Variants in CLIP4 observed in about 807,000 individuals in gnomAD.
CLIP4 encodes the protein CAP-Gly domain-containing linker protein 4.
Under a neutral mutation model 73.1 loss-of-function variants are expected in CLIP4, and 47 were observed. That is an observed-to-expected ratio of 0.64 (90% CI 0.51 to 0.82). CLIP4 has a LOEUF of 0.82. Ranked by LOEUF, CLIP4 falls within the 40% of genes least tolerant of loss-of-function variation. The pLI is 0.00. For synonymous variants in CLIP4, 306 were observed against 295.4 expected (o/e 1.04, Z -0.37); for missense variants, 874 against 852.9 (o/e 1.02, Z -0.31).
In CLIP4 at chr2:29,149,053, G is replaced by A. The variant is rs144586833; in HGVS notation, c.1022-3632G>A. On this transcript the variant is annotated intron_variant, in intron 8 of 15. Transcript: ENST00000320081. The stretch of plus-strand genomic sequence containing the variant: ...TGACAGACTTTTTCTGTAAGGGGCC[G>A]CATGGTAAATGTTGTAGGCCTTGTG... 6.2e-4 allele frequency among the ~76,000 whole-genome samples: 95 copies of A among 152,290 alleles called. 1 individual carries two copies. The highest frequency in any genetic ancestry group is 1.1e-3 in the African/African-American group (44 of 41,572).
chr2:29,149,410 CTTTTTTT>C (rs71403647), intron 8 of CLIP4, among the ~76,000 whole-genome samples: 1 of 138,334 alleles, frequency 7.2e-6, no homozygotes, highest in East Asian at 2.1e-4. Context: ...TTCTCCTTTT[CTTTTTTT>C]TTTTTTTCTT....
At chr2:29,132,290 T>G in intron 4 of CLIP4, 45 bp downstream of exon 4, 2 of 1,439,650 alleles carry the variant, frequency 1.4e-6, no homozygotes, top group Non-Finnish European at 2.0e-6. Context: ...CATCTGCACT[T>G]GTGCTTAGAT....
At chr2:29,147,788 G>A (rs576878650) in intron 8 of CLIP4, among the ~76,000 whole-genome samples, 1 of 152,226 alleles carries the variant, frequency 6.6e-6, no homozygotes, top group Non-Finnish European at 1.5e-5. Context: ...CAGAGCACTA[G>A]AACTTATTCC....
chr2:29,165,502 C>T (rs542462563), intron 13 of CLIP4, among the ~76,000 whole-genome samples: 3 of 152,284 alleles, frequency 2.0e-5, no homozygotes, highest in East Asian at 3.9e-4. Flanking sequence ...AGCATGTGTG[C>T]CCTTAACCGT....
chr2:29,171,929 ATTTG>A lies in CLIP4; in HGVS notation c.1724-2440_1724-2437del, dbSNP rs1160563827. Among the ~76,000 whole-genome samples, 12 of 146,980 alleles carry A rather than the reference ATTTG, an allele frequency of 8.2e-5. No homozygotes were observed. In the East Asian group the frequency reaches 2.4e-3, roughly 30 times the overall value. ...ACACTGATGATATTTTTGTTATTTT[ATTTG>A]TTTTCTATTCACTTTTTTGTACTTA... On this transcript the variant is annotated intron_variant, in intron 14 of 15. Coordinates refer to ENST00000320081, the MANE Select transcript of CLIP4 (RefSeq NM_024692.6).
At chr2:29,104,759 C>G (rs12620470) in intron 1 of CLIP4, among the ~76,000 whole-genome samples, 24,965 of 152,104 alleles carry the variant, frequency 0.16, 3,178 homozygotes, top group African/African-American at 0.34. Context: ...CGATTGCTAT[C>G]AGCAACAATG....
chr2:29,178,755 A>C (rs575288993), intron 15 of CLIP4, among the ~76,000 whole-genome samples: 38 of 152,102 alleles, frequency 2.5e-4, no homozygotes, highest in Admixed American at 7.2e-4. Flanking sequence ...AATACTTCCT[A>C]TCTCTTTCTC....
chr2:29,165,796 C>T (rs1667570977), intron 13 of CLIP4, among the ~76,000 whole-genome samples: 1 of 152,136 alleles, frequency 6.6e-6, no homozygotes, highest in African/African-American at 2.4e-5. Context: ...ATTCCTAGTT[C>T]AGTGGTTTTA....
chr2:29,129,511 T>C lies in CLIP4; in HGVS notation c.134-1747T>C, dbSNP rs147131657. Among the ~76,000 whole-genome samples, 697 of 152,130 alleles carry C rather than the reference T, an allele frequency of 4.6e-3. 7 individuals are homozygous for C. The highest frequency in any genetic ancestry group is 0.016 in the African/African-American group (657 of 41,528). On this transcript the variant is annotated intron_variant, in intron 2 of 15. Coordinates refer to ENST00000320081, the MANE Select transcript of CLIP4 (RefSeq NM_024692.6). The stretch of plus-strand genomic sequence containing the variant: ...CTTTCATTTCCAAATTTTAGCCATG[T>C]GTCAATTAAAATAATACAAAGCTTA...
At chr2:29,109,938 A>G (rs1668340793) in intron 1 of CLIP4, among the ~76,000 whole-genome samples, 2 of 152,068 alleles carry the variant, frequency 1.3e-5, no homozygotes, top group African/African-American at 4.8e-5. Flanking sequence ...TGCATCAGTA[A>G]TCCCAGCTAC....
rs1668743382 is a variant in CLIP4, at chr2:29,183,608, C to T, written c.*1715C>T. On this transcript the variant is annotated 3_prime_UTR_variant, in exon 16 of 16. Transcript: ENST00000320081. The stretch of plus-strand genomic sequence containing the variant: ...CACTGTAAGTTAAAAACAGTAATGC[C>T]AACATTGAATTTATTTTTGAGGTCA... 1 of 152,490 alleles carries T rather than the reference C, an allele frequency of 6.6e-6. No individual in the cohort carries two copies. The highest frequency in any genetic ancestry group is 2.4e-5 in the African/African-American group (1 of 41,384). The allele number at this position is 152,490 out of a possible 1,614,324, so 9.4% of individuals were successfully genotyped here.
intron 4 of CLIP4, chr2:29,132,589 C>T (rs941362105): frequency 1.4e-5 from 3 of 222,000 alleles, no homozygotes; most frequent in African/African-American, 6.8e-5. Context: ...AATCTTAAGA[C>T]CCCAGTCTTG....
intron 4 of CLIP4, among the ~76,000 whole-genome samples, chr2:29,132,802 A>G (rs1162384739): frequency 6.6e-6 from 1 of 152,186 alleles, no homozygotes; most frequent in Non-Finnish European, 1.5e-5. Flanking sequence ...ACAACTCATC[A>G]TGAACTGATA....
intron 12 of CLIP4, among the ~76,000 whole-genome samples, chr2:29,161,088 C>CTT (rs1254247555): frequency 1.5e-4 from 23 of 152,120 alleles, no homozygotes; most frequent in Non-Finnish European, 3.1e-4. Context: ...GGTTCTCCTG[C>CTT]CTCAGCCTCC....
chr2:29,106,896 G>A (rs1668223351), intron 1 of CLIP4, among the ~76,000 whole-genome samples: 1 of 152,152 alleles, frequency 6.6e-6, no homozygotes, highest in Non-Finnish European at 1.5e-5. Context: ...TGAACTCTAC[G>A]TGAATTAAAA....
intron 6 of CLIP4, among the ~76,000 whole-genome samples, chr2:29,139,679 G>A (rs967451106): frequency 6.6e-6 from 1 of 152,066 alleles, no homozygotes; most frequent in Non-Finnish European, 1.5e-5. Flanking sequence ...GGTGTGTTCA[G>A]GGTTTCACTT....
chr2:29,138,205 G>A (rs192272311), intron 6 of CLIP4, among the ~76,000 whole-genome samples: 262 of 152,222 alleles, frequency 1.7e-3, no homozygotes, highest in Non-Finnish European at 3.3e-3. Flanking sequence ...TGGGGGTCCA[G>A]TTTCATTGTT....
chr2:29,144,852 G>T (rs1213040014), intron 7 of CLIP4, among the ~76,000 whole-genome samples: 2 of 142,442 alleles, frequency 1.4e-5, no homozygotes, highest in African/African-American at 2.7e-5. Context: ...GCCTAGGCTG[G>T]AGTGCAGTGG....
chr2:29,140,481 G>C (rs1665685386), intron 6 of CLIP4, among the ~76,000 whole-genome samples: 3 of 152,100 alleles, frequency 2.0e-5, no homozygotes, highest in African/African-American at 7.3e-5. Context: ...GTCTATCATT[G>C]TCAGACATTT....
Sources: allele counts gnomAD v4.1 joint callset (sites outside exome capture counted in the v4.1 genomes callset), GRCh38; gene constraint gnomAD v4.1.1; transcripts MANE v1.5; gene names NCBI Gene and HGNC (gene_info 2026-07-23, HGNC 2026-07-21).